Variants in MTA3 observed in about 807,000 individuals in gnomAD.
The protein encoded by MTA3 is metastasis associated 1 family member 3, also known as metastasis-associated protein MTA3.
In MTA3, 34 loss-of-function variants were observed where a neutral mutation model predicts 83.5. The observed-to-expected ratio is 0.41, with a 90% CI of 0.31 to 0.54. MTA3 has a LOEUF of 0.54. MTA3 is among the 20% of genes least tolerant of loss of function. The pLI is 0.33. For missense variants in MTA3, 761 were observed against 726.4 expected, an observed-to-expected ratio of 1.05 and a Z score of -0.55; for synonymous variants, 303 against 252.7, an observed-to-expected ratio of 1.20 and a Z score of -1.89.
chr2:42,656,286 T>C lies in MTA3; in HGVS notation c.586T>C (p.Phe196Leu). The C allele has an allele frequency of 6.2e-7, 1 of 1,612,732 alleles. No homozygotes were observed. Residue 196 changes from phenylalanine (F) to leucine (L), a missense_variant, in exon 7 of 17, where the codon TTT becomes CTT. Physicochemically the swap from Phe to Leu is conservative, Grantham distance 22. Coordinates refer to ENST00000405094, the MANE Select transcript of MTA3 (RefSeq NM_001330442.2). ...ACTTACGGATCGACAGATTGACCAGTTTTTAGTTGTAGCACGGTGAGTATG... is the reference window on the plus strand; with the variant it reads ...ACTTACGGATCGACAGATTGACCAGCTTTTAGTTGTAGCACGGTGAGTATG... ...SPLTDRQIDQ[F>L]LVVARAVGTF...
At chr2:42,659,262 T>A (rs557194139) in intron 7 of MTA3, among the ~76,000 whole-genome samples, 3 of 152,280 alleles carry the variant, frequency 2.0e-5, no homozygotes, top group African/African-American at 7.2e-5. Context: ...TTATGGTAAT[T>A]TCTTTTTAAA....
chr2:42,572,989 A>G (rs1362941399), intron 2 of MTA3, among the ~76,000 whole-genome samples: 2 of 152,120 alleles, frequency 1.3e-5, no homozygotes, highest in Non-Finnish European at 2.9e-5. Context: ...CAGCCTCCCA[A>G]AGTGCTGGGA....
At chr2:42,594,990 T>C (rs1265596844) in intron 3 of MTA3, among the ~76,000 whole-genome samples, 3 of 149,280 alleles carry the variant, frequency 2.0e-5, no homozygotes, top group African/African-American at 7.4e-5. Flanking sequence ...CCTGACCTCA[T>C]GATCTGCCTG....
At chr2:42,683,273 C>T (rs556045423) in intron 9 of MTA3, among the ~76,000 whole-genome samples, 15 of 152,160 alleles carry the variant, frequency 9.9e-5, no homozygotes, top group Non-Finnish European at 1.9e-4. Flanking sequence ...CTGTATTTTT[C>T]TAGTTGTCTT....
rs551894956 is a variant in MTA3, at chr2:42,677,964, A to C, written c.703-4437A>C. On this transcript the variant is annotated intron_variant, in intron 8 of 16. Transcript: ENST00000405094. ...GGGTAACTGAAACCTTGGAAAGTAA[A>C]ATCATGAATAATGGGGTACATACTA... 2.0e-5 allele frequency among the ~76,000 whole-genome samples: 3 copies of C among 152,332 alleles called. No individual in the cohort carries two copies. The South Asian group carries it at 6.2e-4, about 32-fold the overall frequency.
chr2:42,631,335 C>G (rs1048170557), intron 4 of MTA3, among the ~76,000 whole-genome samples: 1 of 152,166 alleles, frequency 6.6e-6, no homozygotes, highest in Non-Finnish European at 1.5e-5. Flanking sequence ...TTAGCATGCT[C>G]TTTTTGGAAG....
At chr2:42,608,328 G>A (rs377082469) in intron 3 of MTA3, among the ~76,000 whole-genome samples, 89 of 152,322 alleles carry the variant, frequency 5.8e-4, no homozygotes, top group Admixed American at 1.7e-3. Context: ...CTGGTGAAAT[G>A]TTATTAGACC....
At chr2:42,716,697 G>GT (rs1667055493) in intron 14 of MTA3, among the ~76,000 whole-genome samples, 1 of 152,192 alleles carries the variant, frequency 6.6e-6, no homozygotes, top group Admixed American at 6.5e-5. Flanking sequence ...GTTTCATGGT[G>GT]TACATGTACC....
intron 2 of MTA3, among the ~76,000 whole-genome samples, chr2:42,500,444 G>C (rs1674345772): frequency 6.6e-6 from 1 of 152,046 alleles, no homozygotes; most frequent in Non-Finnish European, 1.5e-5. Context: ...TGTAGTCCCT[G>C]CTACTCAGGA....
intron 9 of MTA3, among the ~76,000 whole-genome samples, chr2:42,690,370 G>C (rs547752033): frequency 1.6e-4 from 24 of 152,106 alleles, no homozygotes; most frequent in African/African-American, 5.8e-4. Context: ...TTTATCTGAT[G>C]TACCTAGTTT....
At chr2:42,598,945 TC>T (rs1682195056) in intron 3 of MTA3, among the ~76,000 whole-genome samples, 1 of 152,288 alleles carries the variant, frequency 6.6e-6, no homozygotes, top group African/African-American at 2.4e-5. Flanking sequence ...TTTTCAGTTG[TC>T]CCTTCCAGCC....
intron 2 of MTA3, among the ~76,000 whole-genome samples, chr2:42,552,405 G>T (rs1427155255): frequency 6.6e-6 from 1 of 152,136 alleles, no homozygotes; most frequent in Non-Finnish European, 1.5e-5. Context: ...AGACTATGAA[G>T]ATGCTTGTCT....
chr2:42,710,273 C>T (rs1443279978), intron 14 of MTA3, among the ~76,000 whole-genome samples: 1 of 152,118 alleles, frequency 6.6e-6, no homozygotes, highest in Non-Finnish European at 1.5e-5. Context: ...GAGTTGAGGG[C>T]TGGGCGCGGT....
chr2:42,675,419 G>A (rs907491686), intron 8 of MTA3, among the ~76,000 whole-genome samples: 1 of 152,138 alleles, frequency 6.6e-6, no homozygotes, highest in East Asian at 1.9e-4. Flanking sequence ...ACAGGTGTGA[G>A]CCACCGCACC....
chr2:42,566,389 A>G (rs182882108), upstream of MTA3, among the ~76,000 whole-genome samples: 295 of 152,298 alleles, frequency 1.9e-3, 1 homozygote, highest in African/African-American at 6.5e-3. Context: ...ATTTGTTGGT[A>G]TTTATTCTTC....
intron 14 of MTA3, among the ~76,000 whole-genome samples, chr2:42,718,281 C>T (rs565822545): frequency 6.6e-6 from 1 of 151,914 alleles, no homozygotes; most frequent in African/African-American, 2.4e-5. Flanking sequence ...GAGTTTCGCT[C>T]TTGTTGCCCA....
intron 5 of MTA3, among the ~76,000 whole-genome samples, chr2:42,640,786 T>G (rs548046479): frequency 6.6e-6 from 1 of 152,314 alleles, no homozygotes. Context: ...TATGCATAGT[T>G]TTAGGTGACA....
chr2:42,703,111 A>G (rs1665737999), intron 11 of MTA3: 2 of 151,958 alleles, frequency 1.3e-5, no homozygotes, highest in Non-Finnish European at 2.9e-5. Context: ...AGGCGCAGGC[A>G]CCTATGCCTG....
chr2:42,562,647 C>A (rs1677724292), intron 2 of MTA3, among the ~76,000 whole-genome samples: 1 of 152,196 alleles, frequency 6.6e-6, no homozygotes, highest in Non-Finnish European at 1.5e-5. Flanking sequence ...CTGAACCTGA[C>A]CTGCCAAACC....
Sources: allele counts gnomAD v4.1 joint callset (sites outside exome capture counted in the v4.1 genomes callset), GRCh38; gene constraint gnomAD v4.1.1; transcripts MANE v1.5; gene names NCBI Gene and HGNC (gene_info 2026-07-23, HGNC 2026-07-21).